Variants in PLCL1 observed in about 807,000 individuals in gnomAD.
PLCL1 encodes the protein inactive phospholipase C-like protein 1.
In PLCL1, 41 loss-of-function variants were observed where a neutral mutation model predicts 84.4. That is an observed-to-expected ratio of 0.49 (90% confidence interval 0.38 to 0.63). The LOEUF (loss-of-function observed/expected upper bound fraction) is 0.63, where lower values mean the gene tolerates loss of function less well. PLCL1 is among the 30% of genes least tolerant of loss of function. The pLI, the probability that PLCL1 is intolerant of heterozygous loss-of-function variation, is 0.00. For synonymous variants in PLCL1, 490 were observed against 488.3 expected, an observed-to-expected ratio of 1.00 and a Z score of -0.05; for missense variants, 1,206 against 1,367.8, an observed-to-expected ratio of 0.88 and a Z score of 1.87.
At chr2:197,910,445 CCCACGA>C (rs1163711685) in intron 1 of PLCL1, among the ~76,000 whole-genome samples, 38 of 152,292 alleles carry the variant, frequency 2.5e-4, no homozygotes, top group African/African-American at 8.7e-4. Flanking sequence ...CTCCTTTTAC[CCCACGA>C]CCATCTCAGA....
intron 1 of PLCL1, among the ~76,000 whole-genome samples, chr2:197,854,811 C>G (rs1687300329): frequency 6.6e-6 from 1 of 152,130 alleles, no homozygotes; most frequent in Non-Finnish European, 1.5e-5. Flanking sequence ...TGGAGGGTCT[C>G]AGTTGGATGG....
intron 1 of PLCL1, among the ~76,000 whole-genome samples, chr2:197,929,773 C>A (rs969206222): frequency 2.0e-5 from 3 of 152,140 alleles, no homozygotes; most frequent in Admixed American, 6.6e-5. Context: ...CAGAGACTTT[C>A]CTTTAGTTCT....
At chr2:197,946,318 G>C (rs1364775181) in intron 1 of PLCL1, among the ~76,000 whole-genome samples, 1 of 152,036 alleles carries the variant, frequency 6.6e-6, no homozygotes, top group African/African-American at 2.4e-5. Context: ...AAACAAAGTC[G>C]AGAGGGGAAC....
At chr2:198,052,343 G>T (rs1048753026) in intron 1 of PLCL1, among the ~76,000 whole-genome samples, 1 of 152,154 alleles carries the variant, frequency 6.6e-6, no homozygotes. Context: ...GAGCCATGGC[G>T]CCCAGCCCAA....
intron 1 of PLCL1, among the ~76,000 whole-genome samples, chr2:197,850,371 G>GT (rs1176645247): frequency 1.3e-5 from 2 of 152,174 alleles, no homozygotes; most frequent in Non-Finnish European, 2.9e-5. Context: ...AGGAATGCAC[G>GT]TTTTTGTCAA....
In PLCL1 at chr2:197,995,011, GT is replaced by G. The variant is rs930138774; in HGVS notation, c.241-88743del. On this transcript the variant is annotated intron_variant, in intron 1 of 5. Transcript: ENST00000428675. ...CCTTTCTCCAATGCTTGCCCCATAA[GT>G]TTTGGGTTTTAAATGAGTTTAGTGG... is the stretch of plus-strand genomic sequence containing the variant. Among the ~76,000 whole-genome samples the G allele has an allele frequency of 2.1e-4, 32 of 152,186 alleles. 1 individual carries two copies. The highest frequency in any genetic ancestry group is 7.7e-4 in the African/African-American group (32 of 41,526).
intron 1 of PLCL1, among the ~76,000 whole-genome samples, chr2:197,937,059 T>C (rs1235829748): frequency 6.6e-6 from 1 of 152,212 alleles, no homozygotes; most frequent in East Asian, 1.9e-4. Flanking sequence ...CATTGTGTGT[T>C]CTTAGCACAC....
At position 197,804,986 on chromosome 2, in the gene PLCL1, G is replaced by A; in HGVS notation, c.-114G>A. The A allele has an allele frequency of 7.7e-7, 1 of 1,292,614 alleles. No individual in the cohort carries two copies. The highest frequency in any genetic ancestry group is 1.5e-5 in the South Asian group (1 of 65,926). The allele number at this position is 1,292,614 out of a possible 1,614,324, so 80.1% of individuals were successfully genotyped here. On this transcript the variant is annotated 5_prime_UTR_variant, in exon 1 of 6. An upstream open reading frame in the 5' UTR loses its in-frame stop. Coordinates refer to ENST00000428675, the MANE Select transcript of PLCL1 (RefSeq NM_006226.4). Reference sequence around the variant, plus strand: ...GCCGCCACTGCCGCCGCTGGGCGGTGAAACAAAGTCTGGCGGGGCCGCCTC... The same window carrying A: ...GCCGCCACTGCCGCCGCTGGGCGGTAAAACAAAGTCTGGCGGGGCCGCCTC...
intron 1 of PLCL1, among the ~76,000 whole-genome samples, chr2:197,954,285 T>C (rs1689445030): frequency 6.6e-6 from 1 of 152,126 alleles, no homozygotes; most frequent in Non-Finnish European, 1.5e-5. Flanking sequence ...GCTGGAATTC[T>C]CAAATGCCAA....
chr2:198,127,565 A>G (rs1694018195), intron 5 of PLCL1, among the ~76,000 whole-genome samples: 1 of 152,188 alleles, frequency 6.6e-6, no homozygotes, highest in Admixed American at 6.5e-5. Context: ...TTTGCTAAGA[A>G]AGATAGTTTC....
intron 4 of PLCL1, among the ~76,000 whole-genome samples, chr2:198,103,107 GACCTACT>G (rs1203057558): frequency 6.6e-6 from 1 of 151,916 alleles, no homozygotes; most frequent in Non-Finnish European, 1.5e-5. Flanking sequence ...TGGGTTCCAG[GACCTACT>G]ATTAAGCGAC....
Position 198,093,223 on chromosome 2 carries a change from C to T in PLCL1, c.2919+4162C>T, listed in dbSNP as rs551326250. Among the ~76,000 whole-genome samples, 110 of 152,274 alleles carry T rather than the reference C, an allele frequency of 7.2e-4. 1 individual carries two copies. Among genetic ancestry groups the T allele is most frequent in the Non-Finnish European group, 1.2e-3 (85 of 68,016 alleles). ...TGAAACTGTAATGGCAGATACATGTCATTATACACTAGTCAACAACCTATA... is the reference window on the plus strand; with the variant it reads ...TGAAACTGTAATGGCAGATACATGTTATTATACACTAGTCAACAACCTATA... On this transcript the variant is annotated intron_variant, in intron 3 of 5. Transcript: ENST00000428675.
At chr2:197,902,328 C>T (rs1175645378) in intron 1 of PLCL1, among the ~76,000 whole-genome samples, 1 of 152,068 alleles carries the variant, frequency 6.6e-6, no homozygotes, top group Non-Finnish European at 1.5e-5. Flanking sequence ...TTTTTCAGAA[C>T]CAGAAGTTAG....
chr2:197,842,747 A>T lies in PLCL1; in HGVS notation c.240+37408A>T, dbSNP rs1355442483. On this transcript the variant is annotated intron_variant, in intron 1 of 5. Coordinates refer to ENST00000428675, the MANE Select transcript of PLCL1 (RefSeq NM_006226.4). ...CAACAAGGCTATTACCAGCACCTAA[A>T]ATTGTTCTTATCTCTTGTCCTTATG... Among the ~76,000 whole-genome samples, 6 of 152,198 alleles carry T rather than the reference A, an allele frequency of 3.9e-5. No individual in the cohort carries two copies. The East Asian group carries it at 7.7e-4, about 20-fold the overall frequency.
At chr2:198,125,309 T>C (rs1301553814) in intron 5 of PLCL1, among the ~76,000 whole-genome samples, 1 of 152,062 alleles carries the variant, frequency 6.6e-6, no homozygotes, top group Non-Finnish European at 1.5e-5. Flanking sequence ...ATTGGGGTTT[T>C]GCATTTTGTG....
At chr2:197,908,490 AG>A (rs1438292329) in intron 1 of PLCL1, among the ~76,000 whole-genome samples, 1 of 152,220 alleles carries the variant, frequency 6.6e-6, no homozygotes, top group Non-Finnish European at 1.5e-5. Flanking sequence ...ATTCACAACA[AG>A]TCTACTTTCT....
chr2:197,924,867 C>T (rs1559046984), intron 1 of PLCL1, among the ~76,000 whole-genome samples: 1 of 151,896 alleles, frequency 6.6e-6, no homozygotes, highest in African/African-American at 2.4e-5. Flanking sequence ...TTTAGGGTTT[C>T]CATAATATTT....
chr2:198,004,901 T>C (rs1029693181), intron 1 of PLCL1, among the ~76,000 whole-genome samples: 4 of 152,188 alleles, frequency 2.6e-5, no homozygotes, highest in African/African-American at 9.7e-5. Flanking sequence ...CAATTTTAGG[T>C]TCTTAAAAAG....
At chr2:197,936,338 A>G (rs1234416145) in intron 1 of PLCL1, among the ~76,000 whole-genome samples, 2 of 152,132 alleles carry the variant, frequency 1.3e-5, no homozygotes, top group Admixed American at 6.6e-5. Context: ...ATAAACCTCC[A>G]TTGTTTTCCA....
Sources: allele counts gnomAD v4.1 joint callset (sites outside exome capture counted in the v4.1 genomes callset), GRCh38; gene constraint gnomAD v4.1.1; transcripts MANE v1.5; gene names NCBI Gene and HGNC (gene_info 2026-07-23, HGNC 2026-07-21).